ACOX3: variants seen among roughly 807,000 people sequenced by gnomAD.
ACOX3 encodes the protein peroxisomal acyl-coenzyme A oxidase 3.
ACOX3 carries 73 observed loss-of-function variants against 81.5 expected under a neutral mutation model. That is an observed-to-expected ratio of 0.90 (90% CI 0.74 to 1.09). The LOEUF is 1.09. ACOX3 is among the 50% of genes least tolerant of loss of function. The pLI is 0.00. For missense variants in ACOX3, 947 were observed against 928.0 expected, an observed-to-expected ratio of 1.02 and a Z score of -0.27; for synonymous variants, 387 against 375.1, an observed-to-expected ratio of 1.03 and a Z score of -0.37.
chr4:8,420,608 A>C (rs935703155), intron 1 of ACOX3, among the ~76,000 whole-genome samples: 11 of 152,242 alleles, frequency 7.2e-5, no homozygotes, highest in Admixed American at 7.2e-4. Flanking sequence ...AAACCCAGGC[A>C]TTCGAGCCAG....
chr4:8,404,634 A>G (rs1007223826), intron 7 of ACOX3, among the ~76,000 whole-genome samples: 2 of 152,180 alleles, frequency 1.3e-5, no homozygotes, highest in Non-Finnish European at 2.9e-5. Context: ...CAGAAGAGAC[A>G]GGCAGAAGGA....
chr4:8,356,995 G>A, the ACOX3 span: 2 of 456,406 alleles, frequency 4.4e-6, no homozygotes, highest in Admixed American at 4.7e-5. Context: ...GCAGATGAGG[G>A]GAAGGAAGTG....
At chr4:8,403,074 G>A (rs1469042924) in intron 7 of ACOX3, among the ~76,000 whole-genome samples, 1 of 152,184 alleles carries the variant, frequency 6.6e-6, no homozygotes, top group Non-Finnish European at 1.5e-5. Context: ...CACTTGAGAA[G>A]ATCTTTATGA....
intron 10 of ACOX3, 21 bp from the exon 11 acceptor site, chr4:8,392,474 C>G: frequency 1.3e-6 from 2 of 1,536,688 alleles, no homozygotes; most frequent in Non-Finnish European, 1.7e-6. Flanking sequence ...GGGAATCCAA[C>G]AAGAACAGGT....
At chr4:8,375,184 G>A in intron 14 of ACOX3, 32 bp from the exon 15 acceptor site, 1 of 1,506,804 alleles carries the variant, frequency 6.6e-7, no homozygotes. Flanking sequence ...TGAGGACCGT[G>A]AGGGTCCCAG....
Position 8,405,368 on chromosome 4 carries a change from GC to G in ACOX3, c.776+586del, listed in dbSNP as rs1159736413. Among the ~76,000 whole-genome samples the G allele has an allele frequency of 2.0e-5, 3 of 152,144 alleles. No homozygotes were observed. Among genetic ancestry groups the G allele is most frequent in the African/African-American group, 7.2e-5 (3 of 41,436 alleles). ...ATCAAGCATTCATTAGTCTTTCTAG[GC>G]CCCTCCCCTCTGCACGCCCCATCCA... On this transcript the variant is annotated intron_variant, in intron 7 of 17. Coordinates refer to ENST00000356406, the MANE Select transcript of ACOX3 (RefSeq NM_003501.3). This position sits in a 1 kb window ranked among gnomAD's most constrained non-coding sequence, Gnocchi z 7.1.
chr4:8,356,784 CAGG>C, the ACOX3 span: 18 of 383,082 alleles, frequency 4.7e-5, no homozygotes, highest in South Asian at 3.0e-4. Context: ...CAGCAGGTGA[CAGG>C]AAGAAAGTGA....
chr4:8,377,091 A>G (rs1350949990), intron 14 of ACOX3, among the ~76,000 whole-genome samples: 2 of 152,124 alleles, frequency 1.3e-5, no homozygotes, highest in Non-Finnish European at 2.9e-5. Flanking sequence ...CGAGAACACG[A>G]TAATTCCATT....
chr4:8,409,801 AG>A (rs1721500792), intron 6 of ACOX3, among the ~76,000 whole-genome samples: 2 of 75,048 alleles, frequency 2.7e-5, no homozygotes, highest in African/African-American at 1.0e-4. Context: ...CTGTGGGTGG[AG>A]CTGTCTGTGC....
chr4:8,366,877 C>T lies in ACOX3; in HGVS notation c.*84G>A, dbSNP rs708244. 457,468 of 1,544,140 alleles carry T rather than the reference C, an allele frequency of 0.3. 69,465 individuals carry two copies. The highest frequency in any genetic ancestry group is 0.35 in the Middle Eastern group (1,899 of 5,426). ...CTCAGAAAGCAGCAGCAATCTCCGG[C>T]GTGTTCTGGAATCAGAAGTTGAGGT... On this transcript the variant is annotated 3_prime_UTR_variant, in exon 18 of 18. Coordinates refer to ENST00000356406, the MANE Select transcript of ACOX3 (RefSeq NM_003501.3).
chr4:8,364,793 C>A (rs897091198), downstream of ACOX3, among the ~76,000 whole-genome samples: 3 of 152,200 alleles, frequency 2.0e-5, no homozygotes, highest in Non-Finnish European at 2.9e-5. This position sits in a 1 kb window ranked among gnomAD's most constrained non-coding sequence, Gnocchi z 5.0. Flanking sequence ...TGGACGAGAC[C>A]ACAAACCAAG....
intron 8 of ACOX3, among the ~76,000 whole-genome samples, chr4:8,397,778 T>C (rs1173685799): frequency 6.6e-6 from 1 of 152,248 alleles, no homozygotes; most frequent in Non-Finnish European, 1.5e-5. Flanking sequence ...TCTGACCATC[T>C]AGGTCCTTCT....
chr4:8,438,044 A>C (rs2386227), intron 1 of ACOX3, among the ~76,000 whole-genome samples: 4 of 152,140 alleles, frequency 2.6e-5, no homozygotes, highest in Non-Finnish European at 5.9e-5. Context: ...TTAAACAGGA[A>C]AAAGAGCCAT....
In ACOX3 at chr4:8,384,924, G is replaced by T. The variant is rs577959853; in HGVS notation, c.1538-3317C>A. ...CACGGACCCTCTGAGACACCCTCAG[G>T]TGCCAGTTTTGTGGGAGACATTCCC... On this transcript the variant is annotated intron_variant, in intron 13 of 17. Coordinates refer to ENST00000356406, the MANE Select transcript of ACOX3 (RefSeq NM_003501.3). The surrounding 1 kb of genome is among the most constrained non-coding windows in gnomAD (Gnocchi z 5.3). Among the ~76,000 whole-genome samples the T allele has an allele frequency of 2.0e-3, 306 of 152,284 alleles. 1 individual carries two copies. The highest frequency in any genetic ancestry group is 3.4e-3 in the Admixed American group (52 of 15,310).
chr4:8,373,722 T>G, intron 15 of ACOX3, 94 bp from the exon 16 acceptor site: 11 of 1,176,420 alleles, frequency 9.4e-6, no homozygotes, highest in Non-Finnish European at 1.4e-5. Context: ...AAATCGGCCA[T>G]ATAGGAGGCC....
In ACOX3 at chr4:8,370,894, T is replaced by C. The variant is rs1346902348; in HGVS notation, c.1983+14A>G. The C allele has an allele frequency of 1.2e-6, 2 of 1,612,594 alleles. No individual in the cohort carries two copies. Among genetic ancestry groups the C allele is most frequent in the East Asian group, 2.2e-5 (1 of 44,874 alleles). ...CCCTTGGGGCACTCCCGTGAGGCCC[T>C]GTCCTCCCTTTACCTCGCCGTCGGC... On this transcript the variant is annotated intron_variant, in intron 17 of 17. Coordinates refer to ENST00000356406, the MANE Select transcript of ACOX3 (RefSeq NM_003501.3). This position sits in a 1 kb window ranked among gnomAD's most constrained non-coding sequence, Gnocchi z 6.3.
At position 8,405,973 on chromosome 4, in the gene ACOX3, T is replaced by C. The variant is rs761614337; in HGVS notation, c.758A>G (p.Gln253Arg). 1 of 1,614,204 alleles carries C rather than the reference T, an allele frequency of 6.2e-7. No homozygotes were observed. Among genetic ancestry groups the C allele is most frequent in the South Asian group, 1.1e-5 (1 of 91,084 alleles). Reference sequence around the variant, plus strand: ...CACTCACCCATTATCCAGACCGTTCTGCCCGAGTTTTTTTCCTATGTCGCC... The same window carrying C: ...CACTCACCCATTATCCAGACCGTTCCGCCCGAGTTTTTTTCCTATGTCGCC... ...MVGDIGKKLG[Q>R]NGLDNGFAMF... Residue 253 changes from glutamine to arginine, a missense_variant, in exon 7 of 18, where the codon CAG becomes CGG. Coordinates refer to ENST00000356406, the MANE Select transcript of ACOX3 (RefSeq NM_003501.3). This position sits in a 1 kb window ranked among gnomAD's most constrained non-coding sequence, Gnocchi z 7.1.
intron 1 of ACOX3, among the ~76,000 whole-genome samples, chr4:8,426,315 T>C (rs1723477500): frequency 6.6e-6 from 1 of 152,120 alleles, no homozygotes; most frequent in African/African-American, 2.4e-5. Flanking sequence ...CCAGTCATTT[T>C]ATCTACCCTG....
rs1387906154 is a variant in ACOX3, at chr4:8,394,020, T to C, written c.1179+600A>G. On this transcript the variant is annotated intron_variant, in intron 10 of 17. Transcript: ENST00000356406. This position sits in a 1 kb window ranked among gnomAD's most constrained non-coding sequence, Gnocchi z 5.9. Reference sequence around the variant, plus strand: ...ATATGCTAATTAGATACAGGCTTTTTCTGATGTTGTACATAACAGCAATCT... The same window carrying C: ...ATATGCTAATTAGATACAGGCTTTTCCTGATGTTGTACATAACAGCAATCT... 6.6e-6 allele frequency among the ~76,000 whole-genome samples: 1 copy of C among 152,256 alleles called. No individual in the cohort carries two copies. Among genetic ancestry groups the C allele is most frequent in the Non-Finnish European group, 1.5e-5 (1 of 68,040 alleles).
Sources: gnomAD v4.1 joint callset for allele counts (sites outside exome capture counted in the v4.1 genomes callset) on GRCh38, gnomAD v4.1.1 for gene constraint, Gnocchi (gnomAD v3.1) non-coding constraint, MANE v1.5 for transcripts, NCBI Gene and HGNC (gene_info 2026-07-23, HGNC 2026-07-21) for gene names.